The following GALNT18 variants were observed in gnomAD, a reference collection of about 807,000 sequenced individuals.
GALNT18 encodes the protein GalNAc-transferase 18.
In GALNT18, 44 loss-of-function variants were observed where a neutral mutation model predicts 69.5. The observed-to-expected ratio is 0.63, with a 90% confidence interval of 0.50 to 0.81. The LOEUF is 0.81. Among genes scored for constraint, GALNT18 ranks in the 40% least tolerant of loss-of-function variants. GALNT18 has a pLI of 0.00. For missense variants in GALNT18, 715 were observed against 810.0 expected (o/e 0.88, Z 1.42); for synonymous variants, 364 against 318.2 (o/e 1.14, Z -1.53).
At chr11:11,534,950 C>T (rs1350063601) in intron 1 of GALNT18, among the ~76,000 whole-genome samples, 2 of 152,254 alleles carry the variant, frequency 1.3e-5, no homozygotes, top group Non-Finnish European at 2.9e-5. Context: ...GCAGTGGGGA[C>T]GCCATGGGGC....
rs998373746 is a variant in GALNT18, at chr11:11,387,260, G to A, written c.596-7996C>T. Among the ~76,000 whole-genome samples the A allele has an allele frequency of 6.6e-6, 1 of 152,078 alleles. No individual in the cohort carries two copies. Among genetic ancestry groups the A allele is most frequent in the Non-Finnish European group, 1.5e-5 (1 of 68,016 alleles). On this transcript the variant is annotated intron_variant, in intron 3 of 10. Coordinates refer to ENST00000227756, the MANE Select transcript of GALNT18 (RefSeq NM_198516.3). This position sits in a 1 kb window ranked among gnomAD's most constrained non-coding sequence, Gnocchi z 4.6. ...TTCGTTTCTCTACTTGGCCATCTTT[G>A]GGTCTGATGTTTTGGACTGTCCCCT...
At chr11:11,316,254 G>C (rs116210854) in intron 9 of GALNT18, among the ~76,000 whole-genome samples, 2 of 152,100 alleles carry the variant, frequency 1.3e-5, no homozygotes, top group Non-Finnish European at 1.5e-5. Flanking sequence ...GCCACCCAGC[G>C]CCTGGTATTC....
intron 3 of GALNT18, among the ~76,000 whole-genome samples, chr11:11,408,871 T>C (rs539467498): frequency 2.7e-4 from 41 of 152,220 alleles, no homozygotes; most frequent in African/African-American, 9.6e-4. Flanking sequence ...ACCACTTGAT[T>C]TGGGTCAGTG....
intron 1 of GALNT18, among the ~76,000 whole-genome samples, chr11:11,514,480 G>C (rs912551197): frequency 6.6e-6 from 1 of 152,206 alleles, no homozygotes; most frequent in African/African-American, 2.4e-5. Flanking sequence ...GCATCTCTGA[G>C]CGTGAATAAG....
intron 3 of GALNT18, among the ~76,000 whole-genome samples, chr11:11,414,386 T>A (rs1854804685): frequency 6.6e-6 from 1 of 152,210 alleles, no homozygotes; most frequent in Non-Finnish European, 1.5e-5. Flanking sequence ...CAAGCCATCC[T>A]CCCGCTTCCT....
intron 3 of GALNT18, among the ~76,000 whole-genome samples, chr11:11,411,233 G>A (rs1041464670): frequency 6.6e-6 from 1 of 152,196 alleles, no homozygotes; most frequent in Admixed American, 6.5e-5. Flanking sequence ...AGGACCACTT[G>A]AGCCCAGGAG....
At chr11:11,609,091 T>C (rs1478644099) in intron 1 of GALNT18, among the ~76,000 whole-genome samples, 1 of 152,234 alleles carries the variant, frequency 6.6e-6, no homozygotes, top group African/African-American at 2.4e-5. Flanking sequence ...TCTATCATTT[T>C]CCACCATACC....
chr11:11,419,235 C>T (rs1160295247), intron 3 of GALNT18, among the ~76,000 whole-genome samples: 1 of 152,090 alleles, frequency 6.6e-6, no homozygotes, highest in Non-Finnish European at 1.5e-5. Flanking sequence ...TGGTAAAAAC[C>T]CTTCCTGCTC....
Position 11,523,467 on chromosome 11 carries a change from C to T in GALNT18, c.236-74531G>A, listed in dbSNP as rs1857445409. Among the ~76,000 whole-genome samples, 1 of 152,044 alleles carries T rather than the reference C, an allele frequency of 6.6e-6. No individual in the cohort carries two copies. The highest frequency in any genetic ancestry group is 2.4e-5 in the African/African-American group (1 of 41,398). On this transcript the variant is annotated intron_variant, in intron 1 of 10. Transcript: ENST00000227756. This position sits in a 1 kb window ranked among gnomAD's most constrained non-coding sequence, Gnocchi z 4.3. Reference sequence around the variant, plus strand: ...GCTAATGCTCTTAAAATTCTTACACCGTGCCACTTTGGGAGGCTGAGGCGG... The same window carrying T: ...GCTAATGCTCTTAAAATTCTTACACTGTGCCACTTTGGGAGGCTGAGGCGG...
At chr11:11,302,588 G>T (rs937971260) in intron 9 of GALNT18, among the ~76,000 whole-genome samples, 2 of 152,176 alleles carry the variant, frequency 1.3e-5, no homozygotes, top group Non-Finnish European at 2.9e-5. Flanking sequence ...GCAGAAACAC[G>T]CTGCCATGGG....
chr11:11,366,222 T>C (rs1194324432), intron 6 of GALNT18, among the ~76,000 whole-genome samples: 3 of 152,212 alleles, frequency 2.0e-5, no homozygotes, highest in Non-Finnish European at 4.4e-5. Context: ...CCAATAAATT[T>C]CTTTTCTCTT....
At chr11:11,443,430 G>A (rs1251804789) in intron 2 of GALNT18, among the ~76,000 whole-genome samples, 1 of 152,184 alleles carries the variant, frequency 6.6e-6, no homozygotes, top group Non-Finnish European at 1.5e-5. Context: ...ATAGTTCAAT[G>A]AGTTTTGGCA....
rs1850920172 is a variant in GALNT18 at position 11,372,049 on chromosome 11, C to A, written c.1092+466G>T. Among the ~76,000 whole-genome samples the A allele has an allele frequency of 6.6e-6, 1 of 152,162 alleles. No individual in the cohort carries two copies. Among genetic ancestry groups the A allele is most frequent in the African/African-American group, 2.4e-5 (1 of 41,428 alleles). On this transcript the variant is annotated intron_variant, in intron 6 of 10. Coordinates refer to ENST00000227756, the MANE Select transcript of GALNT18 (RefSeq NM_198516.3). The surrounding 1 kb of genome is among the most constrained non-coding windows in gnomAD (Gnocchi z 4.9). ...CTGGCTGCATCTTGCTGTTTATACA[C>A]CCTGAGTTTATTTCTCTGGGCTATC... is the stretch of plus-strand genomic sequence containing the variant.
At position 11,583,417 on chromosome 11, in the gene GALNT18, G is replaced by C. The variant is rs1859134242; in HGVS notation, c.235+37942C>G. ...GGAGCTCAATTCATACATTCTGAAT[G>C]AATGAAGAAATGTAGACTATCTGAA... On this transcript the variant is annotated intron_variant, in intron 1 of 10. Transcript: ENST00000227756. The surrounding 1 kb of genome is among the most constrained non-coding windows in gnomAD (Gnocchi z 4.7). Among the ~76,000 whole-genome samples, 1 of 152,180 alleles carries C rather than the reference G, an allele frequency of 6.6e-6. No homozygotes were observed. The highest frequency in any genetic ancestry group is 2.1e-4 in the South Asian group (1 of 4,812).
At chr11:11,282,695 T>C (rs1849107466) in intron 10 of GALNT18, among the ~76,000 whole-genome samples, 1 of 152,142 alleles carries the variant, frequency 6.6e-6, no homozygotes. Flanking sequence ...AGCTTCAAAA[T>C]TAGGTCTGCT....
At chr11:11,530,986 C>A (rs2133941979) in intron 1 of GALNT18, among the ~76,000 whole-genome samples, 1 of 152,306 alleles carries the variant, frequency 6.6e-6, no homozygotes, top group South Asian at 2.1e-4. Context: ...TCACTGAGGA[C>A]AACACTGTGA....
At chr11:11,452,381 G>T (rs1282738677) in intron 1 of GALNT18, among the ~76,000 whole-genome samples, 2 of 152,226 alleles carry the variant, frequency 1.3e-5, no homozygotes, top group Non-Finnish European at 1.5e-5. Context: ...AGATGGTCAG[G>T]TAAGGAGCTT....
At chr11:11,306,237 G>C (rs1849576991) in intron 9 of GALNT18, among the ~76,000 whole-genome samples, 1 of 151,718 alleles carries the variant, frequency 6.6e-6, no homozygotes, top group African/African-American at 2.4e-5. Flanking sequence ...GTGTGTGTAT[G>C]TGTGTGTGTG....
chr11:11,461,577 ACCGAGCTGACAGC>A lies in GALNT18; in HGVS notation c.236-12654_236-12642del, dbSNP rs1443850508. Among the ~76,000 whole-genome samples, 6 of 152,132 alleles carry A rather than the reference ACCGAGCTGACAGC, an allele frequency of 3.9e-5. No individual in the cohort carries two copies. Among genetic ancestry groups the A allele is most frequent in the African/African-American group, 1.4e-4 (6 of 41,436 alleles). On this transcript the variant is annotated intron_variant, in intron 1 of 10. Transcript: ENST00000227756. The surrounding 1 kb of genome is among the most constrained non-coding windows in gnomAD (Gnocchi z 4.1). ...GTTATCCCCCCCGCTCCCGCCCGCCACCGAGCTGACAGCCCGGAGCTGACACCCGGACTTCTAA... is the reference window on the plus strand; with the variant it reads ...GTTATCCCCCCCGCTCCCGCCCGCCACCGGAGCTGACACCCGGACTTCTAA...
Sources: gnomAD v4.1 joint callset for allele counts (sites outside exome capture counted in the v4.1 genomes callset) on GRCh38, gnomAD v4.1.1 for gene constraint, Gnocchi (gnomAD v3.1) non-coding constraint, MANE v1.5 for transcripts, NCBI Gene and HGNC (gene_info 2026-07-23, HGNC 2026-07-21) for gene names.